ALK: variants seen among roughly 807,000 people sequenced by gnomAD.
ALK encodes ALK receptor tyrosine kinase.
Under a neutral mutation model 163.1 loss-of-function variants are expected in ALK, and 74 were observed. The observed-to-expected ratio is 0.45, with a 90% CI of 0.38 to 0.55. ALK has a LOEUF of 0.55. Ranked by LOEUF, ALK falls within the 20% of genes least tolerant of loss-of-function variation. The pLI, the probability that ALK is intolerant of heterozygous loss-of-function variation, is 0.00. For synonymous variants in ALK, 960 were observed against 843.2 expected, an observed-to-expected ratio of 1.14 and a Z score of -2.40; for missense variants, 2,063 against 2,105.3, an observed-to-expected ratio of 0.98 and a Z score of 0.39.
intron 8 of ALK, among the ~76,000 whole-genome samples, chr2:29,299,250 A>T (rs187849529): frequency 1.3e-5 from 2 of 152,266 alleles, no homozygotes; most frequent in Admixed American, 1.3e-4. Flanking sequence ...GTATATTTCT[A>T]TCACATTCTC....
intron 1 of ALK, among the ~76,000 whole-genome samples, chr2:29,798,838 GA>G (rs937271305): frequency 2.0e-5 from 3 of 152,032 alleles, no homozygotes; most frequent in South Asian, 2.1e-4. Context: ...TTTCCTGGGG[GA>G]AAAAAAAGAG....
At chr2:29,839,579 T>A (rs964183027) in intron 1 of ALK, among the ~76,000 whole-genome samples, 8 of 152,206 alleles carry the variant, frequency 5.3e-5, no homozygotes, top group Admixed American at 5.2e-4. Flanking sequence ...ACACAAGCTT[T>A]TTGTTCATGA....
intron 1 of ALK, among the ~76,000 whole-genome samples, chr2:29,877,163 T>A (rs1237979809): frequency 6.6e-6 from 1 of 152,226 alleles, no homozygotes; most frequent in Admixed American, 6.5e-5. Context: ...AACATAAATA[T>A]ATAACTTCTT....
intron 3 of ALK, among the ~76,000 whole-genome samples, chr2:29,683,005 G>T (rs947997771): frequency 2.0e-5 from 3 of 152,128 alleles, no homozygotes; most frequent in African/African-American, 7.2e-5. Context: ...AATACTAACA[G>T]CTTCCATAAG....
At chr2:29,459,844 G>T (rs115370118) in intron 4 of ALK, among the ~76,000 whole-genome samples, 1 of 152,086 alleles carries the variant, frequency 6.6e-6, no homozygotes, top group Non-Finnish European at 1.5e-5. Context: ...TAAGAAAAGC[G>T]AATCTCTGTT....
intron 23 of ALK, among the ~76,000 whole-genome samples, chr2:29,219,251 C>T (rs1669719898): frequency 6.6e-6 from 1 of 152,180 alleles, no homozygotes; most frequent in Non-Finnish European, 1.5e-5. Context: ...GTCCTCCTGC[C>T]AGGTATGCTC....
chr2:29,761,499 TTA>T (rs1680699684), intron 1 of ALK, among the ~76,000 whole-genome samples: 1 of 152,078 alleles, frequency 6.6e-6, no homozygotes, highest in African/African-American at 2.4e-5. Flanking sequence ...AGTGTCAGAG[TTA>T]TGTTCTTCCT....
At chr2:29,723,173 T>C (rs760530847) in intron 1 of ALK, among the ~76,000 whole-genome samples, 1 of 152,200 alleles carries the variant, frequency 6.6e-6, no homozygotes, top group Non-Finnish European at 1.5e-5. Flanking sequence ...ATTCTGTCTC[T>C]AACCTCATTT....
chr2:29,261,862 C>G (rs1043921586), intron 11 of ALK, among the ~76,000 whole-genome samples: 1 of 152,172 alleles, frequency 6.6e-6, no homozygotes, highest in African/African-American at 2.4e-5. Flanking sequence ...GGCCCTACCC[C>G]TCTTCATGTA....
At chr2:29,235,853 C>T (rs1307620182) in intron 13 of ALK, among the ~76,000 whole-genome samples, 3 of 98,144 alleles carry the variant, frequency 3.1e-5, no homozygotes, top group African/African-American at 7.2e-5. Context: ...CTACCAGGCT[C>T]GACTTTTTTT....
At chr2:29,311,619 C>A (rs1277350929) in intron 8 of ALK, among the ~76,000 whole-genome samples, 1 of 152,206 alleles carries the variant, frequency 6.6e-6, no homozygotes, top group Non-Finnish European at 1.5e-5. Flanking sequence ...TCCTCCCTGC[C>A]TTGAGTGACC....
chr2:29,271,151 T>A (rs772676464), intron 11 of ALK, among the ~76,000 whole-genome samples: 1 of 152,112 alleles, frequency 6.6e-6, no homozygotes, highest in Non-Finnish European at 1.5e-5. Context: ...AAGACCCCTA[T>A]CGAGTGGAAA....
At chr2:29,481,435 C>A (rs1330496260) in intron 4 of ALK, among the ~76,000 whole-genome samples, 1 of 152,204 alleles carries the variant, frequency 6.6e-6, no homozygotes, top group Non-Finnish European at 1.5e-5. Context: ...ATACACTTCA[C>A]ATTTAATTTG....
At chr2:29,856,762 A>G (rs1158052563) in intron 1 of ALK, among the ~76,000 whole-genome samples, 2 of 152,232 alleles carry the variant, frequency 1.3e-5, no homozygotes, top group Admixed American at 6.5e-5. Context: ...GTGAAGGAGA[A>G]AAGAAACGGA....
intron 4 of ALK, among the ~76,000 whole-genome samples, chr2:29,394,941 C>T (rs890933274): frequency 1.1e-4 from 17 of 151,934 alleles, no homozygotes; most frequent in African/African-American, 2.7e-4. Flanking sequence ...GAAATGTGGC[C>T]GTTTCTGTGG....
At chr2:29,541,282 G>A (rs1673405571) in intron 3 of ALK, among the ~76,000 whole-genome samples, 1 of 152,150 alleles carries the variant, frequency 6.6e-6, no homozygotes, top group Admixed American at 6.5e-5. Flanking sequence ...CCTCTCCAAA[G>A]CTATCAACTT....
chr2:29,335,086 C>T (rs531894773), intron 5 of ALK, among the ~76,000 whole-genome samples: 65 of 152,270 alleles, frequency 4.3e-4, no homozygotes, highest in African/African-American at 1.4e-3. Flanking sequence ...GTGGCTTAGA[C>T]GTGAAAAGCC....
At chr2:29,447,556 G>C (rs897281684) in intron 4 of ALK, among the ~76,000 whole-genome samples, 1 of 152,182 alleles carries the variant, frequency 6.6e-6, no homozygotes, top group African/African-American at 2.4e-5. Flanking sequence ...TTCTGAGCAC[G>C]CATAAAAGAT....
At chr2:29,497,731 A>T (rs1409799163) in intron 4 of ALK, among the ~76,000 whole-genome samples, 1 of 152,190 alleles carries the variant, frequency 6.6e-6, no homozygotes, top group African/African-American at 2.4e-5. Context: ...TCACATGGGA[A>T]CTCAACAAAT....
Sources: allele counts gnomAD v4.1 joint callset (sites outside exome capture counted in the v4.1 genomes callset), GRCh38; gene constraint gnomAD v4.1.1; transcripts MANE v1.5; gene names NCBI Gene and HGNC (gene_info 2026-07-23, HGNC 2026-07-21).